Variants in SMIM1 observed in about 807,000 individuals in gnomAD.
The protein encoded by SMIM1 is small integral membrane protein 1 (Vel blood group), also known as small integral membrane protein 1.
A neutral mutation model predicts 7.7 loss-of-function variants in SMIM1; 7 were observed. The ratio of observed to expected loss-of-function variants is 0.91; its 90% CI spans 0.52 to 1.71. The LOEUF is 1.71. SMIM1 is among the 40% of genes most tolerant of loss of function. SMIM1 has a pLI of 0.00. For missense variants in SMIM1, 95 were observed against 102.8 expected (o/e 0.92, Z 0.33); for synonymous variants, 41 against 42.7 (o/e 0.96, Z 0.16).
chr1:3,774,735 G>A (rs1483945303), intron 2 of SMIM1, among the ~76,000 whole-genome samples: 2 of 152,140 alleles, frequency 1.3e-5, no homozygotes, highest in African/African-American at 2.4e-5. Flanking sequence ...AGAGGTGTGG[G>A]TGGGGGAGGG....
In SMIM1 at chr1:3,775,604, G is replaced by C; in HGVS notation, c.110+121G>C. 1 of 1,275,844 alleles carries C rather than the reference G, an allele frequency of 7.8e-7. No homozygotes were observed. Among genetic ancestry groups the C allele is most frequent in the Non-Finnish European group, 1.1e-6 (1 of 941,882 alleles). 79.0% of individuals were successfully genotyped at this position (1,275,844 alleles called of 1,614,324 possible). On this transcript the variant is annotated intron_variant, in intron 3 of 3. Coordinates refer to ENST00000642557, the MANE Select transcript of SMIM1 (RefSeq NM_001288583.2). This position sits in a 1 kb window ranked among gnomAD's most constrained non-coding sequence, Gnocchi z 5.3. ...CACCCCATCCTGGCTGGGAGCCCAC[G>C]GTCCAGCAGCTCAGCAAACCGCAGC...
Position 3,775,767 on chromosome 1 carries a change from G to GCTCACCTCCAGTTGGTT in SMIM1, c.111-21_111-5dup. ...GCCCCTCATGCGGCCCTGGCCTGGG[G>GCTCACCTCCAGTTGGTT]CTCACCTCCAGTTGGTTCTCACCCC... On this transcript the variant is annotated intron_variant, in intron 3 of 3. Coordinates refer to ENST00000642557, the MANE Select transcript of SMIM1 (RefSeq NM_001288583.2). The surrounding 1 kb of genome is among the most constrained non-coding windows in gnomAD (Gnocchi z 5.3). The GCTCACCTCCAGTTGGTT allele has an allele frequency of 3.2e-6, 5 of 1,545,908 alleles. No individual in the cohort carries two copies. The highest frequency in any genetic ancestry group is 3.5e-4 in the Middle Eastern group (2 of 5,772).
intron 2 of SMIM1, among the ~76,000 whole-genome samples, chr1:3,774,922 C>G (rs1233471400): frequency 6.9e-6 from 1 of 144,574 alleles, no homozygotes; most frequent in Non-Finnish European, 1.5e-5. Flanking sequence ...CCTTATCGGG[C>G]AGGGTTAAGG....
In SMIM1 at chr1:3,775,808, CTG is replaced by C. The variant is rs1167620086; in HGVS notation, c.127_128del (p.Cys43HisfsTer?). On this transcript the variant is annotated frameshift_variant, in exon 4 of 4. Coordinates refer to ENST00000642557, the MANE Select transcript of SMIM1 (RefSeq NM_001288583.2). LOFTEE classifies it high-confidence loss of function. The surrounding 1 kb of genome is among the most constrained non-coding windows in gnomAD (Gnocchi z 5.3). ...ASRCRRISQR[L>X]CTGKLGIAMK... Reference sequence around the variant, plus strand: ...TTCTCACCCCAGGATCTCCCAGAGGCTGTGCACGGGCAAGCTGGGCATCGCCA... The same window carrying C: ...TTCTCACCCCAGGATCTCCCAGAGGCTGCACGGGCAAGCTGGGCATCGCCA... 1 of 1,550,518 alleles carries C rather than the reference CTG, an allele frequency of 6.4e-7. No homozygotes were observed. Among genetic ancestry groups the C allele is most frequent in the East Asian group, 2.4e-5 (1 of 40,912 alleles).
chr1:3,775,766 G>A lies in SMIM1; in HGVS notation c.111-29G>A, dbSNP rs1643449089. 6.5e-7 allele frequency: 1 copy of A among 1,545,636 alleles called. No homozygotes were observed. The highest frequency in any genetic ancestry group is 2.0e-5 in the Admixed American group (1 of 50,818). On this transcript the variant is annotated intron_variant, in intron 3 of 3. Coordinates refer to ENST00000642557, the MANE Select transcript of SMIM1 (RefSeq NM_001288583.2). The surrounding 1 kb of genome is among the most constrained non-coding windows in gnomAD (Gnocchi z 5.3). ...GGCCCCTCATGCGGCCCTGGCCTGG[G>A]GCTCACCTCCAGTTGGTTCTCACCC...
At chr1:3,773,490 G>T (rs1643412822) in intron 2 of SMIM1, among the ~76,000 whole-genome samples, 1 of 152,198 alleles carries the variant, frequency 6.6e-6, no homozygotes, top group Admixed American at 6.5e-5. Context: ...TCCCAGAGTT[G>T]AACACACTGG....
chr1:3,775,258 A>G lies in SMIM1; in HGVS notation c.-75-41A>G, dbSNP rs1004827898. On this transcript the variant is annotated intron_variant, in intron 2 of 3. Transcript: ENST00000642557. The surrounding 1 kb of genome is among the most constrained non-coding windows in gnomAD (Gnocchi z 5.3). ...GCCCCTCTCCTAACAGCAGCCTCAG[A>G]GGGGGTCTTGACTGCCGCCCTCCAT... 1.8e-4 allele frequency: 123 copies of G among 690,510 alleles called. No homozygotes were observed. The highest frequency in any genetic ancestry group is 2.5e-4 in the Non-Finnish European group (105 of 420,940). The allele number at this position is 690,510 out of a possible 1,614,324, so 42.8% of individuals were successfully genotyped here. A position where few individuals can be genotyped will look rare whatever the true frequency, so the allele number is the denominator to read the frequency against.
Position 3,775,789 on chromosome 1 carries a change from C to T in SMIM1, c.111-6C>T, listed in dbSNP as rs1643449464. ...GGGGCTCACCTCCAGTTGGTTCTCA[C>T]CCCAGGATCTCCCAGAGGCTGTGCA... On this transcript the variant is annotated splice_region_variant and splice_polypyrimidine_tract_variant and intron_variant, in intron 3 of 3. Transcript: ENST00000642557. This position sits in a 1 kb window ranked among gnomAD's most constrained non-coding sequence, Gnocchi z 5.3. 6.5e-7 allele frequency: 1 copy of T among 1,549,376 alleles called. No individual in the cohort carries two copies. The highest frequency in any genetic ancestry group is 8.7e-7 in the Non-Finnish European group (1 of 1,146,680).
chr1:3,775,698 C>A lies in SMIM1; in HGVS notation c.111-97C>A. 2 of 1,460,236 alleles carry A rather than the reference C, an allele frequency of 1.4e-6. No homozygotes were observed. The highest frequency in any genetic ancestry group is 2.4e-4 in the Middle Eastern group (1 of 4,082). 90.5% of individuals were successfully genotyped at this position (1,460,236 alleles called of 1,614,324 possible). A position where few individuals can be genotyped will look rare whatever the true frequency, so the allele number is the denominator to read the frequency against. ...TCTTGACTCCAGCAGAGCGCCCAGG[C>A]CCCTCCCCCTGACCCAGACCAACGG... On this transcript the variant is annotated intron_variant, in intron 3 of 3. Coordinates refer to ENST00000642557, the MANE Select transcript of SMIM1 (RefSeq NM_001288583.2). The surrounding 1 kb of genome is among the most constrained non-coding windows in gnomAD (Gnocchi z 5.3).
Position 3,775,941 on chromosome 1 carries a change from C to CG in SMIM1, c.*26dup. 7.1e-6 allele frequency: 11 copies of CG among 1,542,774 alleles called. No individual in the cohort carries two copies. Among genetic ancestry groups the CG allele is most frequent in the East Asian group, 2.4e-5 (1 of 40,916 alleles). On this transcript the variant is annotated 3_prime_UTR_variant, in exon 4 of 4. Transcript: ENST00000642557. The surrounding 1 kb of genome is among the most constrained non-coding windows in gnomAD (Gnocchi z 5.3). ...AAATAAATGCTGCCCCGCATGCACG[C>CG]GGGGGGCTGGCCGCACACGTGAGAG...
Position 3,775,419 on chromosome 1 carries a change from G to C in SMIM1, c.46G>C (p.Gly16Arg), listed in dbSNP as rs753906136. Reference sequence around the variant, plus strand: ...CGTCCACTATAGTAGGTGGGAGGACGGCAGCAGGGACGGAGTCAGCCTAGG... The same window carrying C: ...CGTCCACTATAGTAGGTGGGAGGACCGCAGCAGGGACGGAGTCAGCCTAGG... Reference protein sequence around the residue: ...SHVHYSRWEDGSRDGVSLGAV... With the variant: ...SHVHYSRWEDRSRDGVSLGAV... Residue 16 changes from glycine (G) to arginine (R), a missense_variant, in exon 3 of 4, where the codon GGC becomes CGC. Coordinates refer to ENST00000642557, the MANE Select transcript of SMIM1 (RefSeq NM_001288583.2). The surrounding 1 kb of genome is among the most constrained non-coding windows in gnomAD (Gnocchi z 5.3). The C allele has an allele frequency of 5.5e-5, 85 of 1,550,492 alleles. No individual in the cohort carries two copies. The highest frequency in any genetic ancestry group is 7.4e-5 in the Non-Finnish European group (85 of 1,146,858).
Position 3,775,769 on chromosome 1 carries a change from T to C in SMIM1, c.111-26T>C, listed in dbSNP as rs368759305. On this transcript the variant is annotated intron_variant, in intron 3 of 3. Coordinates refer to ENST00000642557, the MANE Select transcript of SMIM1 (RefSeq NM_001288583.2). The surrounding 1 kb of genome is among the most constrained non-coding windows in gnomAD (Gnocchi z 5.3). ...CCCTCATGCGGCCCTGGCCTGGGGC[T>C]CACCTCCAGTTGGTTCTCACCCCAG... 2.6e-4 allele frequency: 395 copies of C among 1,546,270 alleles called. No individual in the cohort carries two copies. Among genetic ancestry groups the C allele is most frequent in the Middle Eastern group, 5.1e-4 (3 of 5,850 alleles).
chr1:3,775,138 C>G lies in SMIM1; in HGVS notation c.-75-161C>G, dbSNP rs947617729. 1.3e-5 allele frequency among the ~76,000 whole-genome samples: 2 copies of G among 152,146 alleles called. No individual in the cohort carries two copies. The highest frequency in any genetic ancestry group is 2.4e-5 in the African/African-American group (1 of 41,418). The stretch of plus-strand genomic sequence containing the variant: ...TCTCGCTTGGTCCCATCCTCCCGGC[C>G]TGACCCTGGGCAAATGACTCTACCA... On this transcript the variant is annotated intron_variant, in intron 2 of 3. Coordinates refer to ENST00000642557, the MANE Select transcript of SMIM1 (RefSeq NM_001288583.2). The surrounding 1 kb of genome is among the most constrained non-coding windows in gnomAD (Gnocchi z 5.3).
In SMIM1 at chr1:3,775,824, T is replaced by C; in HGVS notation, c.140T>C (p.Leu47Pro). Residue 47 changes from leucine (L) to proline (P), a missense_variant, in exon 4 of 4, where the codon CTG becomes CCG. Transcript: ENST00000642557. This position sits in a 1 kb window ranked among gnomAD's most constrained non-coding sequence, Gnocchi z 5.3. ...TCCCAGAGGCTGTGCACGGGCAAGC[T>C]GGGCATCGCCATGAAGGTGCTGGGC... ...RISQRLCTGK[L>P]GIAMKVLGGV... is the part of the protein sequence containing the mutation. 6.4e-7 allele frequency: 1 copy of C among 1,550,868 alleles called. No individual in the cohort carries two copies.
chr1:3,773,221 C>T (rs998176431), intron 2 of SMIM1, 40 bp downstream of exon 2: 1 of 152,298 alleles, frequency 6.6e-6, no homozygotes, highest in Non-Finnish European at 1.5e-5. Flanking sequence ...GTGAAGAGGT[C>T]TATGGAGGGG....
At position 3,775,706 on chromosome 1, in the gene SMIM1, C is replaced by G; in HGVS notation, c.111-89C>G. 6.7e-7 allele frequency: 1 copy of G among 1,482,626 alleles called. No homozygotes were observed. Among genetic ancestry groups the G allele is most frequent in the Non-Finnish European group, 8.9e-7 (1 of 1,117,684 alleles). The allele number at this position is 1,482,626 out of a possible 1,614,324, so 91.8% of individuals were successfully genotyped here. A position where few individuals can be genotyped will look rare whatever the true frequency, so the allele number is the denominator to read the frequency against. ...CCAGCAGAGCGCCCAGGCCCCTCCCCCTGACCCAGACCAACGGCCACAGTC... is the reference window on the plus strand; with the variant it reads ...CCAGCAGAGCGCCCAGGCCCCTCCCGCTGACCCAGACCAACGGCCACAGTC... On this transcript the variant is annotated intron_variant, in intron 3 of 3. Coordinates refer to ENST00000642557, the MANE Select transcript of SMIM1 (RefSeq NM_001288583.2). This position sits in a 1 kb window ranked among gnomAD's most constrained non-coding sequence, Gnocchi z 5.3.
chr1:3,775,367 C>G lies in SMIM1; in HGVS notation c.-7C>G. ...AGGCCCCGCCCCTCCCGCTGCAGCC[C>G]CACAGCATGCAGCCCCAGGAGAGCC... On this transcript the variant is annotated 5_prime_UTR_variant, in exon 3 of 4. Transcript: ENST00000642557. The surrounding 1 kb of genome is among the most constrained non-coding windows in gnomAD (Gnocchi z 5.3). 4 of 1,547,398 alleles carry G rather than the reference C, an allele frequency of 2.6e-6. No homozygotes were observed. The highest frequency in any genetic ancestry group is 3.5e-6 in the Non-Finnish European group (4 of 1,144,912).
chr1:3,775,719 A>G lies in SMIM1; in HGVS notation c.111-76A>G, dbSNP rs2124604922. On this transcript the variant is annotated intron_variant, in intron 3 of 3. Coordinates refer to ENST00000642557, the MANE Select transcript of SMIM1 (RefSeq NM_001288583.2). The surrounding 1 kb of genome is among the most constrained non-coding windows in gnomAD (Gnocchi z 5.3). ...CAGGCCCCTCCCCCTGACCCAGACC[A>G]ACGGCCACAGTCCACTTAGGGGGCC... 2 of 1,498,010 alleles carry G rather than the reference A, an allele frequency of 1.3e-6. No homozygotes were observed. The highest frequency in any genetic ancestry group is 4.4e-5 in the Admixed American group (2 of 45,906). The allele number at this position is 1,498,010 out of a possible 1,614,324, so 92.8% of individuals were successfully genotyped here.
intron 2 of SMIM1, among the ~76,000 whole-genome samples, chr1:3,774,358 C>A (rs899981269): frequency 2.0e-5 from 3 of 152,124 alleles, no homozygotes; most frequent in African/African-American, 7.2e-5. Context: ...ACCCCCACAC[C>A]CCCTTAGGTA....
Sources: allele counts gnomAD v4.1 joint callset (sites outside exome capture counted in the v4.1 genomes callset), GRCh38; gene constraint gnomAD v4.1.1; non-coding constraint Gnocchi (gnomAD v3.1); transcripts MANE v1.5; gene names NCBI Gene and HGNC (gene_info 2026-07-23, HGNC 2026-07-21).